Variants in NSUN6 observed in about 807,000 individuals in gnomAD.
NSUN6 encodes NOP2/Sun RNA methyltransferase 6.
Under a neutral mutation model 58.0 loss-of-function variants are expected in NSUN6, and 64 were observed. That is an observed-to-expected ratio of 1.10 (90% CI 0.90 to 1.36). The LOEUF is 1.36. Ranked by LOEUF, NSUN6 falls within the 40% of genes most tolerant of loss-of-function variation. NSUN6 has a pLI of 0.00. For missense variants in NSUN6, 701 were observed against 550.1 expected, an observed-to-expected ratio of 1.27 and a Z score of -2.74; for synonymous variants, 231 against 193.9, an observed-to-expected ratio of 1.19 and a Z score of -1.59.
chr10:18,567,040 TATTCTATTCCTTTCTCC>T (rs2056009685), intron 8 of NSUN6, among the ~76,000 whole-genome samples: 1 of 150,814 alleles, frequency 6.6e-6, no homozygotes, highest in African/African-American at 2.4e-5. Flanking sequence ...TTCCATTCCA[TATTCTATTCCTTTCTCC>T]ATTCTATTCC....
intron 3 of NSUN6, among the ~76,000 whole-genome samples, chr10:18,627,375 T>C (rs1387065383): frequency 9.2e-5 from 14 of 152,148 alleles, no homozygotes; most frequent in East Asian, 3.9e-4. Context: ...CTAAATCCCA[T>C]GGAAATGAAA....
intron 8 of NSUN6, among the ~76,000 whole-genome samples, chr10:18,560,911 GGAATGGAATGGAGCATA>G (rs1451147264): frequency 2.0e-5 from 3 of 150,780 alleles, no homozygotes; most frequent in East Asian, 3.9e-4. Context: ...TATGGAGAAT[GGAATGGAATGGAGCATA>G]GAATGGAATG....
At chr10:18,579,450 G>A (rs1252392232) in intron 8 of NSUN6, among the ~76,000 whole-genome samples, 7 of 152,160 alleles carry the variant, frequency 4.6e-5, no homozygotes, top group South Asian at 2.1e-4. Context: ...GATTACATGC[G>A]TGAGCCACGT....
intron 3 of NSUN6, among the ~76,000 whole-genome samples, chr10:18,630,004 G>A (rs2058969730): frequency 6.7e-6 from 1 of 150,296 alleles, no homozygotes; most frequent in Non-Finnish European, 1.5e-5. Flanking sequence ...ATACTTGGAA[G>A]TAAAGCTCTC....
chr10:18,653,265 G>A (rs1590214185), upstream of NSUN6: 1 of 983,342 alleles, frequency 1.0e-6, no homozygotes, highest in Non-Finnish European at 1.2e-6. Context: ...ATGACTAAAT[G>A]AAAAGATGGA....
At chr10:18,565,969 TCCATTCCATA>T (rs2055900515) in intron 8 of NSUN6, among the ~76,000 whole-genome samples, 1 of 150,886 alleles carries the variant, frequency 6.6e-6, no homozygotes, top group African/African-American at 2.4e-5. Context: ...TCCATTCTCT[TCCATTCCATA>T]CCATTCCCCA....
intron 3 of NSUN6, among the ~76,000 whole-genome samples, chr10:18,629,570 C>G (rs1463762331): frequency 8.9e-6 from 1 of 111,942 alleles, no homozygotes; most frequent in East Asian, 6.6e-4. Context: ...ATCTACCAAG[C>G]TAATGGAAAA....
At chr10:18,651,835 C>T (rs2059715574), upstream of NSUN6, 4 of 985,316 alleles carry the variant, frequency 4.1e-6, no homozygotes, top group South Asian at 4.7e-5. Flanking sequence ...TTCCCGGTAC[C>T]GGAGGGCTAG....
intron 8 of NSUN6, among the ~76,000 whole-genome samples, chr10:18,554,930 A>AGAATGGAATG (rs149444692): frequency 1.1e-4 from 16 of 149,512 alleles, no homozygotes; most frequent in Middle Eastern, 3.6e-3. Flanking sequence ...AATGGAATCA[A>AGAATGGAATG]GAATGGAATG....
rs544422075 is a variant in NSUN6 at position 18,643,876 on chromosome 10, G to A, written c.232-1321C>T. 5.3e-4 allele frequency among the ~76,000 whole-genome samples: 80 copies of A among 152,222 alleles called. 1 individual carries two copies. The highest frequency in any genetic ancestry group is 1.9e-3 in the African/African-American group (78 of 41,548). On this transcript the variant is annotated intron_variant, in intron 2 of 10. Coordinates refer to ENST00000377304, the MANE Select transcript of NSUN6 (RefSeq NM_182543.5). ...CCAAAGGTCATTGTCTCTCCCTTTC[G>A]ATTAGAAGCATGTTAATATATAAAT...
chr10:18,638,163 C>T (rs1383413938), intron 3 of NSUN6, among the ~76,000 whole-genome samples: 1 of 152,032 alleles, frequency 6.6e-6, no homozygotes, highest in East Asian at 1.9e-4. Flanking sequence ...CAAAAGTTGG[C>T]CAGGTGAGGT....
intron 3 of NSUN6, among the ~76,000 whole-genome samples, chr10:18,638,288 A>G (rs1284486842): frequency 6.6e-6 from 1 of 152,038 alleles, no homozygotes; most frequent in East Asian, 1.9e-4. Context: ...TAAAAATACA[A>G]AAAATTAGCT....
Position 18,570,032 on chromosome 10 carries a change from TATTCCATTCTCC to T in NSUN6, c.922+15905_922+15916del, listed in dbSNP as rs1174242883. On this transcript the variant is annotated intron_variant, in intron 8 of 10. Transcript: ENST00000377304. ...TTGCATTCCACTATTCATTCCATTC[TATTCCATTCTCC>T]ATTCCATTCTATTTGCATTCCATTC... is the stretch of plus-strand genomic sequence containing the variant. Among the ~76,000 whole-genome samples the T allele has an allele frequency of 2.1e-4, 20 of 94,586 alleles. No individual in the cohort carries two copies. The Admixed American group carries it at 2.3e-3, about 11-fold the overall frequency. 62.1% of individuals were successfully genotyped at this position (94,586 alleles called of 152,430 possible).
chr10:18,602,672 T>C (rs1384347909), intron 6 of NSUN6, among the ~76,000 whole-genome samples: 4 of 152,086 alleles, frequency 2.6e-5, no homozygotes, highest in Admixed American at 6.5e-5. Context: ...GCCCAGCCTA[T>C]GGTGGGTTTT....
At chr10:18,610,182 G>A (rs1365789402) in intron 5 of NSUN6, among the ~76,000 whole-genome samples, 1 of 151,970 alleles carries the variant, frequency 6.6e-6, no homozygotes, top group Non-Finnish European at 1.5e-5. Context: ...TTAGCCAAGC[G>A]TGGTGACAGG....
At chr10:18,613,102 T>C (rs998175822) in intron 5 of NSUN6, among the ~76,000 whole-genome samples, 1 of 152,160 alleles carries the variant, frequency 6.6e-6, no homozygotes, top group Non-Finnish European at 1.5e-5. Context: ...AAAACCAATT[T>C]TTTTTTCTTT....
At chr10:18,624,472 G>A (rs2058716910) in intron 3 of NSUN6, among the ~76,000 whole-genome samples, 1 of 151,384 alleles carries the variant, frequency 6.6e-6, no homozygotes, top group African/African-American at 2.4e-5. Flanking sequence ...TCAGGAGATT[G>A]AGACCATCCT....
At chr10:18,551,054 A>G (rs1392264037) in intron 9 of NSUN6, among the ~76,000 whole-genome samples, 2 of 152,160 alleles carry the variant, frequency 1.3e-5, no homozygotes, top group Non-Finnish European at 2.9e-5. Context: ...AAAAAAGAGT[A>G]ATTTATTTTA....
At chr10:18,559,169 T>C (rs1349553261) in intron 8 of NSUN6, among the ~76,000 whole-genome samples, 2 of 147,952 alleles carry the variant, frequency 1.4e-5, no homozygotes, top group Non-Finnish European at 3.0e-5. Flanking sequence ...TGGAATGGAA[T>C]GGAGAATAGA....
Sources: gnomAD v4.1 joint callset for allele counts (sites outside exome capture counted in the v4.1 genomes callset) on GRCh38, gnomAD v4.1.1 for gene constraint, MANE v1.5 for transcripts, NCBI Gene and HGNC (gene_info 2026-07-23, HGNC 2026-07-21) for gene names.